DLG2: variants seen among roughly 807,000 people sequenced by gnomAD.
DLG2 encodes the protein disks large homolog 2.
DLG2 carries 45 observed loss-of-function variants against 132.5 expected under a neutral mutation model. The observed-to-expected ratio is 0.34, with a 90% CI of 0.27 to 0.44. The LOEUF is 0.44. Among genes scored for constraint, DLG2 ranks in the 20% least tolerant of loss-of-function variants. The pLI, the probability that DLG2 is intolerant of heterozygous loss-of-function variation, is 1.00. For missense variants in DLG2, 1,045 were observed against 1,196.9 expected, an observed-to-expected ratio of 0.87 and a Z score of 1.87; for synonymous variants, 424 against 419.6, an observed-to-expected ratio of 1.01 and a Z score of -0.13.
intron 6 of DLG2, among the ~76,000 whole-genome samples, chr11:85,006,401 C>T (rs2058665286): frequency 6.6e-6 from 1 of 152,126 alleles, no homozygotes; most frequent in Admixed American, 6.6e-5. Context: ...GCCTGAATTT[C>T]AGAACTTGTT....
intron 6 of DLG2, among the ~76,000 whole-genome samples, chr11:84,723,055 G>A (rs2062015191): frequency 6.6e-6 from 1 of 152,146 alleles, no homozygotes; most frequent in Non-Finnish European, 1.5e-5. Context: ...GTGTGATTGT[G>A]TGAGCACTCC....
intron 7 of DLG2, among the ~76,000 whole-genome samples, chr11:84,449,851 T>C (rs1458106550): frequency 6.6e-6 from 1 of 151,864 alleles, no homozygotes; most frequent in East Asian, 1.9e-4. Flanking sequence ...AAAATACTAA[T>C]CACATTAAGA....
intron 4 of DLG2, among the ~76,000 whole-genome samples, chr11:85,284,383 A>G (rs147881124): frequency 1.3e-5 from 2 of 151,908 alleles, no homozygotes; most frequent in Admixed American, 1.3e-4. Flanking sequence ...CAATATTAAC[A>G]ATACAAACTC....
intron 6 of DLG2, among the ~76,000 whole-genome samples, chr11:84,610,729 C>G (rs1402355398): frequency 6.6e-6 from 1 of 152,096 alleles, no homozygotes; most frequent in African/African-American, 2.4e-5. Context: ...GCCTATTCAT[C>G]TTTTCTGGGA....
intron 7 of DLG2, among the ~76,000 whole-genome samples, chr11:84,261,216 T>C (rs2097544106): frequency 6.6e-6 from 1 of 152,198 alleles, no homozygotes; most frequent in South Asian, 2.1e-4. Flanking sequence ...ATCACTAAAT[T>C]ATTGCTATTT....
At chr11:83,921,709 TTC>T (rs1431384691) in intron 15 of DLG2, among the ~76,000 whole-genome samples, 1 of 152,188 alleles carries the variant, frequency 6.6e-6, no homozygotes, top group African/African-American at 2.4e-5. Context: ...GCTGTGCTTA[TTC>T]TCTGTTTTCT....
intron 21 of DLG2, among the ~76,000 whole-genome samples, chr11:83,517,629 G>GT (rs2095342036): frequency 6.6e-6 from 1 of 152,176 alleles, no homozygotes; most frequent in South Asian, 2.1e-4. Flanking sequence ...TTTCTGCTCT[G>GT]TTTTTTCCCC....
intron 3 of DLG2, among the ~76,000 whole-genome samples, chr11:85,544,219 T>C (rs2076156238): frequency 6.6e-6 from 1 of 152,208 alleles, no homozygotes; most frequent in Non-Finnish European, 1.5e-5. Context: ...GGCTAGCCAG[T>C]TTTCCCAAGA....
chr11:84,357,458 C>T (rs991304723), intron 7 of DLG2, among the ~76,000 whole-genome samples: 5 of 151,990 alleles, frequency 3.3e-5, no homozygotes, highest in Non-Finnish European at 7.4e-5. Flanking sequence ...GCATTTTCCT[C>T]TCCTTCATAG....
chr11:85,207,602 A>G (rs1021236773), intron 4 of DLG2, among the ~76,000 whole-genome samples: 9 of 152,146 alleles, frequency 5.9e-5, no homozygotes, highest in African/African-American at 2.2e-4. Context: ...GACCCATTAC[A>G]TGTGTCAAAT....
At chr11:84,390,324 G>C (rs1459426946) in intron 7 of DLG2, among the ~76,000 whole-genome samples, 1 of 152,092 alleles carries the variant, frequency 6.6e-6, no homozygotes, top group African/African-American at 2.4e-5. Flanking sequence ...TGCACAAAAG[G>C]CACTATTTTG....
chr11:85,376,495 T>C (rs558300583), intron 3 of DLG2, among the ~76,000 whole-genome samples: 9 of 152,328 alleles, frequency 5.9e-5, no homozygotes, highest in African/African-American at 1.7e-4. Context: ...TCATTTACTA[T>C]ATCACTCTAT....
At chr11:83,542,398 C>T (rs986070958) in intron 19 of DLG2, among the ~76,000 whole-genome samples, 1 of 152,068 alleles carries the variant, frequency 6.6e-6, no homozygotes, top group African/African-American at 2.4e-5. Context: ...TATTGGACCA[C>T]CACTGCAACT....
intron 11 of DLG2, among the ~76,000 whole-genome samples, chr11:84,008,780 G>A (rs1042430496): frequency 4.0e-5 from 6 of 151,788 alleles, no homozygotes; most frequent in Non-Finnish European, 8.8e-5. Flanking sequence ...GGTAAAACAA[G>A]GAGTACTATA....
intron 3 of DLG2, among the ~76,000 whole-genome samples, chr11:85,425,959 G>A (rs985980091): frequency 4.6e-5 from 7 of 152,196 alleles, no homozygotes; most frequent in African/African-American, 1.2e-4. Flanking sequence ...CTTTTCCAAC[G>A]GTCTTAGCAA....
intron 16 of DLG2, among the ~76,000 whole-genome samples, chr11:83,849,563 G>A (rs2059276374): frequency 6.6e-6 from 1 of 151,806 alleles, no homozygotes; most frequent in Admixed American, 6.6e-5. Context: ...GAGGGCCTGG[G>A]ATAGAAAGAA....
chr11:84,921,236 A>T (rs2092742622), intron 6 of DLG2, among the ~76,000 whole-genome samples: 1 of 152,170 alleles, frequency 6.6e-6, no homozygotes, highest in South Asian at 2.1e-4. Context: ...AACCCTAAAA[A>T]ATTATGAATT....
rs1002483999 is a variant in DLG2 at position 85,026,059 on chromosome 11, C to T, written c.357+85602G>A. ...AGTTATTTTTATAAACTTGATGGTGCAGAAGATCTTCTGAAACATAATTTA... is the reference window on the plus strand; with the variant it reads ...AGTTATTTTTATAAACTTGATGGTGTAGAAGATCTTCTGAAACATAATTTA... On this transcript the variant is annotated intron_variant, in intron 6 of 27. Coordinates refer to ENST00000376104, the MANE Select transcript of DLG2 (RefSeq NM_001142699.3). Among the ~76,000 whole-genome samples the T allele has an allele frequency of 1.1e-4, 17 of 151,894 alleles. No homozygotes were observed. In the East Asian group the frequency reaches 3.3e-3, roughly 29 times the overall value.
intron 7 of DLG2, among the ~76,000 whole-genome samples, chr11:84,502,753 C>G (rs1195673887): frequency 6.6e-6 from 1 of 151,996 alleles, no homozygotes; most frequent in Admixed American, 6.6e-5. Context: ...ACTTATTTCA[C>G]TATGTAGGTC....
Sources: gnomAD v4.1 joint callset for allele counts (sites outside exome capture counted in the v4.1 genomes callset) on GRCh38, gnomAD v4.1.1 for gene constraint, MANE v1.5 for transcripts, NCBI Gene and HGNC (gene_info 2026-07-23, HGNC 2026-07-21) for gene names.